The following BCL11A variants were observed in gnomAD, a reference collection of about 807,000 sequenced individuals.
The protein encoded by BCL11A is B cell CLL/lymphoma 11A.
A neutral mutation model predicts 55.9 loss-of-function variants in BCL11A; 2 were observed. The observed-to-expected ratio is 0.04, with a 90% CI of 0.01 to 0.11. The LOEUF is 0.11. BCL11A is among the 10% of genes least tolerant of loss of function. The pLI is 1.00. For synonymous variants in BCL11A, 465 were observed against 473.4 expected (o/e 0.98, Z 0.23); for missense variants, 817 against 1,137.1 (o/e 0.72, Z 4.05).
Position 60,461,935 on chromosome 2 carries a change from G to T in BCL11A, c.977C>A (p.Thr326Lys), listed in dbSNP as rs1676326365. 6.2e-7 allele frequency: 1 copy of T among 1,614,104 alleles called. No homozygotes were observed. The highest frequency in any genetic ancestry group is 8.5e-7 in the Non-Finnish European group (1 of 1,180,006). The part of the protein sequence containing the change: ...SRRLRELAGN[T>K]SSPPLSPGRP... ...GCCTGGGGACAGCGGTGGGCTAGAC[G>T]TGTTCCCTGCCAGCTCTCTAAGTCT... Residue 326 changes from threonine to lysine, a missense_variant, in exon 4 of 4, where the codon ACG (threonine) becomes AAG (lysine). Physicochemically the swap from Thr to Lys is moderately conservative, Grantham distance 78 (BLOSUM62 -1). This residue lies in a region of BCL11A where 363 missense variants were observed against 486.6 expected (regional missense o/e 0.75). Transcript: ENST00000642384.
downstream of BCL11A, among the ~76,000 whole-genome samples, chr2:60,453,260 C>G (rs1436012904): frequency 6.6e-6 from 1 of 152,166 alleles, no homozygotes; most frequent in African/African-American, 2.4e-5. Flanking sequence ...TTCAAACATG[C>G]AGTTTTCTTT....
At chr2:60,480,185 T>A (rs961287548) in intron 2 of BCL11A, among the ~76,000 whole-genome samples, 1 of 152,094 alleles carries the variant, frequency 6.6e-6, no homozygotes, top group African/African-American at 2.4e-5. Context: ...GCTGGGGACA[T>A]GAAGGCACTG....
At chr2:60,463,911 T>C (rs1344695273) in intron 3 of BCL11A, among the ~76,000 whole-genome samples, 2 of 126,984 alleles carry the variant, frequency 1.6e-5, no homozygotes, top group Non-Finnish European at 3.3e-5. Flanking sequence ...TGTCAGTAAC[T>C]TTCTAAGAAG....
chr2:60,467,942 G>GTAA (rs1397683218), intron 3 of BCL11A, among the ~76,000 whole-genome samples: 1 of 134,070 alleles, frequency 7.5e-6, no homozygotes, highest in Non-Finnish European at 1.7e-5. Context: ...GATGGTGGTG[G>GTAA]TGGTGATGGT....
rs1314257474 is a variant in BCL11A at position 60,461,077 on chromosome 2, G to A, written c.1835C>T (p.Ser612Leu). ...CTTTTTGGACAGGCCCCCCGAGGCC[G>A]ACTCGCCCGGGGAGCAGCCGCGGCC... ...VNGRGCSPGE[S>L]ASGGLSKKLL... is the part of the protein sequence containing the mutation. Residue 612 changes from serine to leucine, a missense_variant, in exon 4 of 4, where the codon TCG (serine) becomes TTG (leucine). This residue lies in a region of BCL11A where 379 missense variants were observed against 425.3 expected (regional missense o/e 0.89). Coordinates refer to ENST00000642384, the MANE Select transcript of BCL11A (RefSeq NM_022893.4). The A allele has an allele frequency of 1.9e-6, 3 of 1,602,412 alleles. No homozygotes were observed. Among genetic ancestry groups the A allele is most frequent in the African/African-American group, 1.3e-5 (1 of 74,800 alleles).
At chr2:60,520,744 C>T (rs1299920694) in intron 2 of BCL11A, among the ~76,000 whole-genome samples, 4 of 146,898 alleles carry the variant, frequency 2.7e-5, no homozygotes, top group South Asian at 2.3e-4. Flanking sequence ...TGGTCGCCTA[C>T]GGAATCTACA....
chr2:60,492,368 A>AAAACAAAC (rs10646649), intron 2 of BCL11A, among the ~76,000 whole-genome samples: 4 of 151,822 alleles, frequency 2.6e-5, no homozygotes, highest in South Asian at 2.1e-4. Flanking sequence ...CCCTGTCTCA[A>AAAACAAAC]AAACAAACAA....
At position 60,462,164 on chromosome 2, in the gene BCL11A, C is replaced by G; in HGVS notation, c.748G>C (p.Glu250Gln). ...CGCCCTTCTGCCAGGCCGGAAGCCT[C>G]TCTCGATACTGATCCTGGTATTCTT... ...LLRIPGSVSR[E>Q]ASGLAEGRFP... Residue 250 changes from glutamate (E) to glutamine (Q), a missense_variant, in exon 4 of 4, where the codon GAG becomes CAG. By Grantham distance (29) the Glu-to-Gln change is conservative (BLOSUM62 2). This residue lies in a region of BCL11A where 363 missense variants were observed against 486.6 expected (regional missense o/e 0.75). Transcript: ENST00000642384. 6.4e-7 allele frequency: 1 copy of G among 1,574,744 alleles called. No individual in the cohort carries two copies.
chr2:60,541,013 T>G (rs769492034), intron 2 of BCL11A, among the ~76,000 whole-genome samples: 32 of 151,950 alleles, frequency 2.1e-4, no homozygotes, highest in Non-Finnish European at 4.6e-4. Context: ...TTTTTTGTTT[T>G]TTTAAGCTTT....
At chr2:60,486,281 G>A (rs1004000553) in intron 2 of BCL11A, among the ~76,000 whole-genome samples, 2 of 152,174 alleles carry the variant, frequency 1.3e-5, no homozygotes, top group African/African-American at 4.8e-5. Flanking sequence ...ACATCAAAGT[G>A]AGACACCAAT....
chr2:60,497,297 T>A (rs1302076506), intron 2 of BCL11A, among the ~76,000 whole-genome samples: 2 of 152,356 alleles, frequency 1.3e-5, no homozygotes, highest in East Asian at 3.9e-4. Context: ...GGAAAATCTT[T>A]TGTAAAACGA....
rs553022365 is a variant in BCL11A, at chr2:60,546,026, G to A, written c.330C>T (p.Asp110=). ...CTCTAGATGACGTTGATAAACAATC[G>A]TCATCCTCTGGCGTGACCTGGATGC... is the stretch of plus-strand genomic sequence containing the variant. The part of the protein sequence containing the change: ...EVGIQVTPED[D]DCLSTSSRGI... The change falls in exon 2 of 4, where the codon GAC becomes GAT. Residue 110 remains aspartate, a synonymous_variant. Transcript: ENST00000642384. This position sits in a 1 kb window ranked among gnomAD's most constrained non-coding sequence, Gnocchi z 4.1. 1.5e-5 allele frequency: 25 copies of A among 1,614,200 alleles called. No individual in the cohort carries two copies. Among genetic ancestry groups the A allele is most frequent in the East Asian group, 4.5e-5 (2 of 44,886 alleles).
intron 2 of BCL11A, among the ~76,000 whole-genome samples, chr2:60,520,699 A>G (rs1326823350): frequency 1.3e-5 from 2 of 152,168 alleles, no homozygotes. Flanking sequence ...ATTTGCATCA[A>G]AAAGAGCAGA....
At chr2:60,516,470 A>G (rs72962602) in intron 2 of BCL11A, among the ~76,000 whole-genome samples, 6,374 of 152,314 alleles carry the variant, frequency 0.042, 441 homozygotes, top group African/African-American at 0.14. Context: ...TATATTTCTC[A>G]GCCTCCATGA....
At chr2:60,547,040 T>C (rs1240456995) in intron 1 of BCL11A, among the ~76,000 whole-genome samples, 2 of 152,228 alleles carry the variant, frequency 1.3e-5, no homozygotes, top group East Asian at 3.8e-4. Flanking sequence ...ACGGGCAGTA[T>C]TTCTCAGACA....
At chr2:60,543,211 T>TA (rs1670005272) in intron 2 of BCL11A, 1 of 152,184 alleles carries the variant, frequency 6.6e-6, no homozygotes, top group Non-Finnish European at 1.5e-5. Context: ...TTCCTGCCTA[T>TA]AAAATAGTAC....
intron 1 of BCL11A, among the ~76,000 whole-genome samples, chr2:60,549,437 A>T (rs1313773544): frequency 6.6e-6 from 1 of 152,176 alleles, no homozygotes; most frequent in African/African-American, 2.4e-5. Flanking sequence ...TTCAGAGAGG[A>T]AAAGCAAAGA....
At chr2:60,487,087 G>C (rs1210845517) in intron 2 of BCL11A, among the ~76,000 whole-genome samples, 2 of 152,262 alleles carry the variant, frequency 1.3e-5, no homozygotes, top group South Asian at 2.1e-4. Flanking sequence ...CCTCCAACCT[G>C]TGATTTGCCA....
rs1474798048 is a variant in BCL11A, at chr2:60,523,305, CT to C, written c.385+22665del. ...CCAGGATTCCTGCTTGGGACTGTTGCTCCTAAATTTGCCACTATGATCCTCA... is the reference window on the plus strand; with the variant it reads ...CCAGGATTCCTGCTTGGGACTGTTGCCCTAAATTTGCCACTATGATCCTCA... On this transcript the variant is annotated intron_variant, in intron 2 of 3. Coordinates refer to ENST00000642384, the MANE Select transcript of BCL11A (RefSeq NM_022893.4). 5.3e-5 allele frequency among the ~76,000 whole-genome samples: 8 copies of C among 152,284 alleles called. No individual in the cohort carries two copies. The South Asian group carries it at 1.7e-3, about 32-fold the overall frequency.
Sources: allele counts gnomAD v4.1 joint callset (sites outside exome capture counted in the v4.1 genomes callset), GRCh38; gene constraint gnomAD v4.1.1; regional missense constraint gnomAD v4.1.1; non-coding constraint Gnocchi (gnomAD v3.1); transcripts MANE v1.5; gene names NCBI Gene and HGNC (gene_info 2026-07-23, HGNC 2026-07-21).